The following ADCY3 variants were observed in gnomAD, a reference collection of about 807,000 sequenced individuals.
The protein encoded by ADCY3 is adenylate cyclase type 3.
ADCY3 carries 70 observed loss-of-function variants against 119.4 expected under a neutral mutation model. That is an observed-to-expected ratio of 0.59 (90% CI 0.48 to 0.72). The LOEUF is 0.72. ADCY3 is among the 30% of genes least tolerant of loss of function. The pLI is 0.00. For synonymous variants in ADCY3, 672 were observed against 621.4 expected (o/e 1.08, Z -1.21); for missense variants, 1,238 against 1,541.6 (o/e 0.80, Z 3.30).
At chr2:24,870,617 G>T (rs1467908350) in intron 3 of ADCY3, among the ~76,000 whole-genome samples, 1 of 152,216 alleles carries the variant, frequency 6.6e-6, no homozygotes, top group East Asian at 1.9e-4. Context: ...GGCAGGCAAT[G>T]CAGAGAAGCA....
intron 3 of ADCY3, among the ~76,000 whole-genome samples, chr2:24,866,115 T>C (rs1674252987): frequency 6.6e-6 from 1 of 152,166 alleles, no homozygotes; most frequent in African/African-American, 2.4e-5. Context: ...ACTAAGAGGC[T>C]AAGCTTTCAG....
intron 2 of ADCY3, among the ~76,000 whole-genome samples, chr2:24,906,821 C>A (rs888143197): frequency 6.6e-6 from 1 of 152,186 alleles, no homozygotes; most frequent in Non-Finnish European, 1.5e-5. Flanking sequence ...AGGCCTTGAG[C>A]AATCTGTCTT....
At chr2:24,875,651 T>G (rs1477126395) in intron 2 of ADCY3, among the ~76,000 whole-genome samples, 2 of 152,212 alleles carry the variant, frequency 1.3e-5, no homozygotes, top group African/African-American at 4.8e-5. Flanking sequence ...AACACTGACG[T>G]GCAGCCTGGG....
Position 24,872,379 on chromosome 2 carries a change from C to G in ADCY3, c.825+191G>C, listed in dbSNP as rs6751533. Reference sequence around the variant, plus strand: ...GAAGCAGATTTAGGAGTGAGAGGCTCCCTGAAGCTCAGAAGCTGCCCTCTA... The same window carrying G: ...GAAGCAGATTTAGGAGTGAGAGGCTGCCTGAAGCTCAGAAGCTGCCCTCTA... On this transcript the variant is annotated intron_variant, in intron 3 of 21. Transcript: ENST00000679454. This position sits in a 1 kb window ranked among gnomAD's most constrained non-coding sequence, Gnocchi z 4.4. Among the ~76,000 whole-genome samples, 6,540 of 152,216 alleles carry G rather than the reference C, an allele frequency of 0.043. 435 individuals carry two copies. The highest frequency in any genetic ancestry group is 0.15 in the African/African-American group (6,071 of 41,484).
In ADCY3 at chr2:24,834,350, G is replaced by A. The variant is rs111644031; in HGVS notation, c.1967+135C>T. 54 of 1,114,326 alleles carry A rather than the reference G, an allele frequency of 4.8e-5. 1 individual carries two copies. Among genetic ancestry groups the A allele is most frequent in the South Asian group, 4.4e-4 (28 of 63,144 alleles). 69.0% of individuals were successfully genotyped at this position (1,114,326 alleles called of 1,614,324 possible). A position where few individuals can be genotyped will look rare whatever the true frequency, so the allele number is the denominator to read the frequency against. ...AGCACTCCTGGGGCCTGTGGGGGCC[G>A]TCCCAGTGGGGGTCAGGGAGCAGAG... On this transcript the variant is annotated intron_variant, in intron 11 of 21. Coordinates refer to ENST00000679454, the MANE Select transcript of ADCY3 (RefSeq NM_004036.5). This position sits in a 1 kb window ranked among gnomAD's most constrained non-coding sequence, Gnocchi z 4.2.
At chr2:24,860,433 G>C (rs1442504893) in intron 3 of ADCY3, among the ~76,000 whole-genome samples, 1 of 152,246 alleles carries the variant, frequency 6.6e-6, no homozygotes, top group Non-Finnish European at 1.5e-5. Context: ...TGCGAAGCCA[G>C]ATATGTGTTC....
intron 2 of ADCY3, among the ~76,000 whole-genome samples, chr2:24,909,986 T>G (rs13428763): frequency 0.32 from 48,936 of 152,090 alleles, 8,004 homozygotes; most frequent in East Asian, 0.37. Context: ...GAAGCCCAAG[T>G]TAGCCACATG....
chr2:24,853,005 GGTGTGTGTGTGTGTGTGTGTGT>G lies in ADCY3; in HGVS notation c.826-10643_826-10622del, dbSNP rs58904311. On this transcript the variant is annotated intron_variant, in intron 3 of 21. Transcript: ENST00000679454. ...ATTTGAAGGAAAGGAACAGCTGGAGGGTGTGTGTGTGTGTGTGTGTGTGTGTGTGTGTGTGTGTGTGTGTGTG... is the reference window on the plus strand; with the variant it reads ...ATTTGAAGGAAAGGAACAGCTGGAGGGTGTGTGTGTGTGTGTGTGTGTGTG... Among the ~76,000 whole-genome samples, 623 of 95,362 alleles carry G rather than the reference GGTGTGTGTGTGTGTGTGTGTGT, an allele frequency of 6.5e-3. 6 individuals are homozygous for G. Among genetic ancestry groups the G allele is most frequent in the African/African-American group, 0.023 (404 of 17,726 alleles). 62.6% of individuals were successfully genotyped at this position (95,362 alleles called of 152,430 possible). A position where few individuals can be genotyped will look rare whatever the true frequency, so the allele number is the denominator to read the frequency against.
rs1217875531 is a variant in ADCY3 at position 24,831,717 on chromosome 2, C to A, written c.2000G>T (p.Gly667Val). Reference sequence around the variant, plus strand: ...GGTCAGGATGAGGAGCAGAATCTCCCCCACCATGAAGGTCACATAGTTTGT... The same window carrying A: ...GGTCAGGATGAGGAGCAGAATCTCCACCACCATGAAGGTCACATAGTTTGT... ...LMTNYVTFMV[G>V]EILLLILTIC... Residue 667 changes from glycine (G) to valine (V), a missense_variant, in exon 12 of 22, where the codon GGG becomes GTG. Gly to Val is a moderately radical substitution (Grantham distance 109, BLOSUM62 -3). Around this residue, in one of 7 missense-constraint regions of ADCY3, gnomAD observed 499 missense variants for 571.0 expected, o/e 0.87. Transcript: ENST00000679454. The A allele has an allele frequency of 6.2e-7, 1 of 1,613,976 alleles. No individual in the cohort carries two copies. The highest frequency in any genetic ancestry group is 8.5e-7 in the Non-Finnish European group (1 of 1,179,992).
chr2:24,862,602 G>C (rs1673810379), intron 3 of ADCY3, among the ~76,000 whole-genome samples: 1 of 151,850 alleles, frequency 6.6e-6, no homozygotes, highest in Non-Finnish European at 1.5e-5. Context: ...TCAAGCTCGG[G>C]TCCCAAGTTT....
At chr2:24,821,123 G>A in intron 20 of ADCY3, 1 of 469,562 alleles carries the variant, frequency 2.1e-6, no homozygotes, top group South Asian at 2.8e-5. Context: ...AAGTCTCCTG[G>A]GACCTCACTC....
intron 16 of ADCY3, among the ~76,000 whole-genome samples, chr2:24,825,248 C>T (rs1450005824): frequency 6.6e-6 from 1 of 151,484 alleles, no homozygotes; most frequent in Non-Finnish European, 1.5e-5. Flanking sequence ...CTTGAACTAA[C>T]ATTGGGCCCT....
intron 3 of ADCY3, among the ~76,000 whole-genome samples, chr2:24,854,213 G>A (rs1672742623): frequency 6.6e-6 from 1 of 152,170 alleles, no homozygotes; most frequent in South Asian, 2.1e-4. Flanking sequence ...TTTATCTGAT[G>A]GCCTGGACTA....
chr2:24,854,167 G>A (rs1260364835), intron 3 of ADCY3, among the ~76,000 whole-genome samples: 1 of 152,194 alleles, frequency 6.6e-6, no homozygotes, highest in African/African-American at 2.4e-5. Context: ...GAACCGGACT[G>A]TGGAAAAAGG....
intron 2 of ADCY3, among the ~76,000 whole-genome samples, chr2:24,885,445 G>A (rs1676919413): frequency 6.6e-6 from 1 of 152,212 alleles, no homozygotes; most frequent in South Asian, 2.1e-4. Flanking sequence ...GCCCCAGCTA[G>A]GAACACAGCA....
chr2:24,830,902 G>T, intron 12 of ADCY3, 77 bp from the exon 13 acceptor site: 1 of 1,168,670 alleles, frequency 8.6e-7, no homozygotes, highest in Non-Finnish European at 1.3e-6. Flanking sequence ...AGCAACTCAG[G>T]CTGGTCCCGT....
At chr2:24,821,492 G>A in intron 20 of ADCY3, 25 bp downstream of exon 20, 1 of 1,612,506 alleles carries the variant, frequency 6.2e-7, no homozygotes, top group Non-Finnish European at 8.5e-7. Context: ...GCCTGCTGCG[G>A]GGCAGGCCAG....
intron 7 of ADCY3, 169 bp from the exon 8 acceptor site, chr2:24,838,791 G>C: frequency 6.3e-7 from 1 of 1,595,998 alleles, no homozygotes; most frequent in Non-Finnish European, 8.6e-7. Flanking sequence ...AGCTGTGTGG[G>C]CCGCTAACTA....
rs1391510811 is a variant in ADCY3, at chr2:24,828,099, G to A, written c.2235C>T (p.Gly745=). 6.2e-7 allele frequency: 1 copy of A among 1,614,014 alleles called. No homozygotes were observed. Among genetic ancestry groups the A allele is most frequent in the Non-Finnish European group, 8.5e-7 (1 of 1,180,040 alleles). The change falls in exon 14 of 22, where the codon GGC becomes GGT. Residue 745 remains glycine (G), a synonymous_variant. Transcript: ENST00000679454. The stretch of plus-strand genomic sequence containing the variant: ...AATACTTGGGGTTCTCCAGGCAGCT[G>A]CCCTCCGTTTCCATCCCTGCCGTTG... ...SNATAGMETE[G]SCLENPKYYN...
Sources: gnomAD v4.1 joint callset for allele counts (sites outside exome capture counted in the v4.1 genomes callset) on GRCh38, gnomAD v4.1.1 for gene constraint, gnomAD v4.1.1 regional missense constraint, Gnocchi (gnomAD v3.1) non-coding constraint, MANE v1.5 for transcripts, NCBI Gene and HGNC (gene_info 2026-07-23, HGNC 2026-07-21) for gene names.